The following KIAA0586 variants were observed in gnomAD, a reference collection of about 807,000 sequenced individuals.
The protein encoded by KIAA0586 is protein TALPID3.
In KIAA0586, 144 loss-of-function variants were observed where a neutral mutation model predicts 169.8. That is an observed-to-expected ratio of 0.85 (90% CI 0.74 to 0.97). The LOEUF is 0.97. KIAA0586 is among the 50% of genes least tolerant of loss of function. The pLI is 0.00. For synonymous variants in KIAA0586, 625 were observed against 612.4 expected (o/e 1.02, Z -0.30); for missense variants, 1,854 against 1,823.0 (o/e 1.02, Z -0.31).
rs1446060903 is a variant in KIAA0586, at chr14:58,548,001, C to T, written c.*69C>T. On this transcript the variant is annotated 3_prime_UTR_variant, in exon 31 of 31. Coordinates refer to ENST00000652326, the MANE Select transcript of KIAA0586 (RefSeq NM_001329943.3). The stretch of plus-strand genomic sequence containing the variant: ...AAGTCATTTTACCTTGGCTTAAAAC[C>T]CTCTCTCAGACTGTTTGGTTTTTGA... The T allele has an allele frequency of 6.4e-7, 1 of 1,564,372 alleles. No homozygotes were observed.
At chr14:58,468,375 A>G (rs186103598) in intron 16 of KIAA0586, among the ~76,000 whole-genome samples, 5 of 152,124 alleles carry the variant, frequency 3.3e-5, no homozygotes, top group African/African-American at 7.2e-5. Flanking sequence ...TAAAACTGTG[A>G]TATTAATATG....
chr14:58,452,838 A>G (rs917931690), intron 8 of KIAA0586, among the ~76,000 whole-genome samples: 9 of 144,852 alleles, frequency 6.2e-5, no homozygotes, highest in African/African-American at 2.3e-4. Context: ...GTTGTGGTAT[A>G]GTTTTTATGA....
intron 30 of KIAA0586, among the ~76,000 whole-genome samples, chr14:58,544,752 G>A (rs753126186): frequency 4.6e-5 from 7 of 152,130 alleles, no homozygotes; most frequent in African/African-American, 1.2e-4. Flanking sequence ...ATATTAGACC[G>A]TAGATTTGCT....
At chr14:58,460,234 A>G (rs1201149739) in intron 13 of KIAA0586, among the ~76,000 whole-genome samples, 164 bp downstream of exon 13, 1 of 152,134 alleles carries the variant, frequency 6.6e-6, no homozygotes, top group Admixed American at 6.5e-5. Context: ...TTGGATTTAT[A>G]ATGTGAAAAG....
intron 30 of KIAA0586, chr14:58,544,037 A>G (rs1163124330): frequency 2.5e-6 from 1 of 398,688 alleles, no homozygotes; most frequent in East Asian, 7.5e-5. Flanking sequence ...AGTCTCAAGT[A>G]GATCCCAGTG....
intron 5 of KIAA0586, 46 bp from the exon 6 acceptor site, chr14:58,443,908 T>C (rs2140564819): frequency 9.0e-7 from 1 of 1,106,318 alleles, no homozygotes; most frequent in East Asian, 2.6e-5. Context: ...GACATATTTT[T>C]GGTATCCTAT....
chr14:58,537,927 G>A (rs1348546712), intron 29 of KIAA0586, among the ~76,000 whole-genome samples: 1 of 152,100 alleles, frequency 6.6e-6, no homozygotes, highest in Non-Finnish European at 1.5e-5. Context: ...GATTACAGGC[G>A]TGAGCCACCG....
chr14:58,493,530 C>A (rs907191149), intron 26 of KIAA0586, among the ~76,000 whole-genome samples: 1 of 152,010 alleles, frequency 6.6e-6, no homozygotes, highest in African/African-American at 2.4e-5. Context: ...AGCTGGAGAT[C>A]TGAAGACTAT....
chr14:58,471,894 A>G (rs553331983), intron 17 of KIAA0586, among the ~76,000 whole-genome samples: 7 of 152,220 alleles, frequency 4.6e-5, no homozygotes, highest in African/African-American at 1.7e-4. Context: ...ACTTTCCTTT[A>G]TCTTAATTCT....
At chr14:58,446,522 T>C (rs1415633008) in intron 6 of KIAA0586, among the ~76,000 whole-genome samples, 1 of 151,890 alleles carries the variant, frequency 6.6e-6, no homozygotes, top group Non-Finnish European at 1.5e-5. Context: ...TGTATATATA[T>C]GTGTGTGTGT....
intron 29 of KIAA0586, chr14:58,521,757 A>T (rs2139884635): frequency 2.5e-6 from 2 of 807,380 alleles, no homozygotes; most frequent in Non-Finnish European, 4.4e-6. Context: ...AGCAGTAGAG[A>T]TGAAGGATGA....
chr14:58,471,104 G>A (rs1748988), intron 17 of KIAA0586, among the ~76,000 whole-genome samples: 148,896 of 152,344 alleles, frequency 0.98, 72,847 homozygotes, highest in Non-Finnish European at 1. Flanking sequence ...CCTCTACCTC[G>A]GCCTCCCAAG....
At chr14:58,514,413 GA>G (rs1420036432) in intron 29 of KIAA0586, among the ~76,000 whole-genome samples, 1 of 152,008 alleles carries the variant, frequency 6.6e-6, no homozygotes, top group Non-Finnish European at 1.5e-5. Flanking sequence ...TTTTCTAGCA[GA>G]TAAATGCTTC....
intron 5 of KIAA0586, 25 bp downstream of exon 5, chr14:58,442,905 A>G (rs774016633): frequency 4.5e-6 from 7 of 1,553,092 alleles, no homozygotes; most frequent in African/African-American, 2.7e-5. Flanking sequence ...CCAGATAATC[A>G]TAACTACTTT....
At chr14:58,468,778 T>C (rs984513318) in intron 16 of KIAA0586, among the ~76,000 whole-genome samples, 1 of 152,256 alleles carries the variant, frequency 6.6e-6, no homozygotes, top group Non-Finnish European at 1.5e-5. Context: ...GGTAAACTTT[T>C]TGGCTGATTT....
chr14:58,518,106 T>C (rs2044895015), intron 29 of KIAA0586, among the ~76,000 whole-genome samples: 1 of 152,168 alleles, frequency 6.6e-6, no homozygotes, highest in Admixed American at 6.6e-5. Flanking sequence ...AAATTATACT[T>C]CAATAAAATG....
intron 26 of KIAA0586, among the ~76,000 whole-genome samples, chr14:58,494,627 G>C (rs1249827639): frequency 3.3e-5 from 5 of 152,070 alleles, no homozygotes; most frequent in African/African-American, 1.2e-4. Flanking sequence ...CTTGGTCACT[G>C]TCCCTGCTGT....
At chr14:58,428,699 TA>T (rs1407943441) in intron 1 of KIAA0586, among the ~76,000 whole-genome samples, 17 of 147,236 alleles carry the variant, frequency 1.2e-4, no homozygotes, top group South Asian at 2.1e-4. Flanking sequence ...GACTTTTGCA[TA>T]TTTTTTTTTT....
At position 58,495,294 on chromosome 14, in the gene KIAA0586, A is replaced by G. The variant is rs188425416; in HGVS notation, c.3990+3019A>G. 2.9e-3 allele frequency among the ~76,000 whole-genome samples: 442 copies of G among 151,000 alleles called. 1 individual carries two copies. The highest frequency in any genetic ancestry group is 0.01 in the Middle Eastern group (3 of 294). On this transcript the variant is annotated intron_variant, in intron 26 of 30. Transcript: ENST00000652326. ...TGTGTGTATGTGTGTGTGTGTGTGT[A>G]TATATATATATGTGTGTGAATCTTT...
Sources: allele counts gnomAD v4.1 joint callset (sites outside exome capture counted in the v4.1 genomes callset), GRCh38; gene constraint gnomAD v4.1.1; transcripts MANE v1.5; gene names NCBI Gene and HGNC (gene_info 2026-07-23, HGNC 2026-07-21).